Variants in COL10A1 observed in about 807,000 individuals in gnomAD.
The protein encoded by COL10A1 is collagen type X alpha 1 chain, also known as collagen alpha-1(X) chain.
In COL10A1, 10 loss-of-function variants were observed where a neutral mutation model predicts 18.2. That is an observed-to-expected ratio of 0.55 (90% CI 0.34 to 0.93). COL10A1 has a LOEUF of 0.93. COL10A1 is among the 40% of genes least tolerant of loss of function. The pLI is 0.02. For missense variants in COL10A1, 897 were observed against 853.5 expected, an observed-to-expected ratio of 1.05 and a Z score of -0.64; for synonymous variants, 330 against 316.6, an observed-to-expected ratio of 1.04 and a Z score of -0.45.
chr6:116,139,259 A>C (rs1779703973), intron 1 of COL10A1, among the ~76,000 whole-genome samples: 1 of 152,174 alleles, frequency 6.6e-6, no homozygotes, highest in South Asian at 2.1e-4. Flanking sequence ...TCAGTCTACT[A>C]GTAACAATTT....
At chr6:116,190,844 T>C in the COL10A1 span, among the ~76,000 whole-genome samples, 1 of 151,970 alleles carries the variant, frequency 6.6e-6, no homozygotes, top group Admixed American at 6.6e-5. Flanking sequence ...CAGAGACAGG[T>C]TCTCAGTTTC....
At chr6:116,134,931 G>A (rs995950125) in intron 1 of COL10A1, among the ~76,000 whole-genome samples, 5 of 152,160 alleles carry the variant, frequency 3.3e-5, no homozygotes, top group African/African-American at 1.2e-4. Context: ...AATCTTGGGA[G>A]TTTAGAGAGA....
chr6:116,157,800 A>G (rs1391028459), intron 1 of COL10A1, among the ~76,000 whole-genome samples: 2 of 152,216 alleles, frequency 1.3e-5, no homozygotes, highest in African/African-American at 4.8e-5. Flanking sequence ...AAAACTGATA[A>G]TAAGACCACC....
At chr6:116,190,633 C>T in the COL10A1 span, among the ~76,000 whole-genome samples, 27 of 152,102 alleles carry the variant, frequency 1.8e-4, no homozygotes, top group African/African-American at 6.0e-4. Context: ...TCTACTTTTA[C>T]ACAACTCTGC....
At chr6:116,210,195 G>A in the COL10A1 span, among the ~76,000 whole-genome samples, 1 of 152,014 alleles carries the variant, frequency 6.6e-6, no homozygotes, top group African/African-American at 2.4e-5. Context: ...TGGCTTTTGA[G>A]TTCAGTGCCA....
chr6:116,123,796 T>G (rs945055679), intron 2 of COL10A1, among the ~76,000 whole-genome samples: 2 of 152,208 alleles, frequency 1.3e-5, no homozygotes, highest in African/African-American at 2.4e-5. Context: ...GTTAAGATAT[T>G]TTCATTTGTT....
chr6:116,191,046 G>T, the COL10A1 span, among the ~76,000 whole-genome samples: 1 of 151,934 alleles, frequency 6.6e-6, no homozygotes, highest in Non-Finnish European at 1.5e-5. Flanking sequence ...GTTGCACAGT[G>T]AGTTGTTGTT....
upstream of COL10A1, among the ~76,000 whole-genome samples, chr6:116,162,833 T>A (rs1382483572): frequency 6.6e-6 from 1 of 152,008 alleles, no homozygotes; most frequent in Non-Finnish European, 1.5e-5. Context: ...TTAAAAAATA[T>A]GTATTTTTAG....
At chr6:116,161,790 T>C (rs1780338539), upstream of COL10A1, among the ~76,000 whole-genome samples, 1 of 151,848 alleles carries the variant, frequency 6.6e-6, no homozygotes, top group Non-Finnish European at 1.5e-5. Flanking sequence ...TGATGGGAAG[T>C]TGCATTGACT....
At chr6:116,188,598 T>A in the COL10A1 span, among the ~76,000 whole-genome samples, 7 of 151,974 alleles carry the variant, frequency 4.6e-5, no homozygotes, top group African/African-American at 1.4e-4. Flanking sequence ...CACTAGAGCA[T>A]AATTAGGTAG....
chr6:116,180,398 T>C, the COL10A1 span, among the ~76,000 whole-genome samples: 7 of 152,074 alleles, frequency 4.6e-5, no homozygotes, highest in Non-Finnish European at 7.4e-5. Context: ...GAAAATGGAA[T>C]GATAGAATTG....
the COL10A1 span, among the ~76,000 whole-genome samples, chr6:116,166,399 CAT>C: frequency 6.6e-6 from 1 of 152,164 alleles, no homozygotes; most frequent in Non-Finnish European, 1.5e-5. Context: ...TAATTAAAAA[CAT>C]AAAGGAATGG....
At chr6:116,176,057 A>T in the COL10A1 span, among the ~76,000 whole-genome samples, 6 of 152,194 alleles carry the variant, frequency 3.9e-5, no homozygotes, top group Non-Finnish European at 8.8e-5. Flanking sequence ...TTACACCTCA[A>T]AATGGACTTG....
intron 1 of COL10A1, chr6:116,125,802 A>C: frequency 4.1e-6 from 1 of 246,736 alleles, no homozygotes. Flanking sequence ...GATCTTTGAC[A>C]TAGCCTGAAA....
In COL10A1 at chr6:116,120,988, C is replaced by T; in HGVS notation, c.1128G>A (p.Lys376=). 6.2e-7 allele frequency: 1 copy of T among 1,613,894 alleles called. No homozygotes were observed. The highest frequency in any genetic ancestry group is 2.2e-5 in the East Asian group (1 of 44,862). Residue 376 remains lysine (K), a synonymous_variant, in exon 3 of 3, where the codon AAG becomes AAA. Transcript: ENST00000651968. ...PAGPAGYPGA[K]GERGSPGSDG... is the part of the protein sequence containing the mutation. ...CTGACCCAGGGGAACCCCTTTCACC[C>T]TTAGCCCCAGGGTATCCTGCAGGCC... is the stretch of plus-strand genomic sequence containing the variant.
the COL10A1 span, among the ~76,000 whole-genome samples, chr6:116,179,463 A>G: frequency 6.6e-6 from 1 of 152,138 alleles, no homozygotes; most frequent in Non-Finnish European, 1.5e-5. Flanking sequence ...ATCCTATCAA[A>G]AAGTAGGCTA....
At chr6:116,196,796 G>A in the COL10A1 span, among the ~76,000 whole-genome samples, 1 of 151,812 alleles carries the variant, frequency 6.6e-6, no homozygotes, top group Non-Finnish European at 1.5e-5. Context: ...TACTTGTGCA[G>A]CCTTGTGTAT....
the COL10A1 span, among the ~76,000 whole-genome samples, chr6:116,201,356 C>T: frequency 6.6e-6 from 1 of 151,974 alleles, no homozygotes; most frequent in South Asian, 2.1e-4. Flanking sequence ...GGGCATATTG[C>T]ACTGTATAAA....
At chr6:116,216,935 T>C in the COL10A1 span, among the ~76,000 whole-genome samples, 1 of 152,146 alleles carries the variant, frequency 6.6e-6, no homozygotes, top group African/African-American at 2.4e-5. Context: ...TATTTAAATC[T>C]CTTCTAAATT....
Sources: gnomAD v4.1 joint callset for allele counts (sites outside exome capture counted in the v4.1 genomes callset) on GRCh38, gnomAD v4.1.1 for gene constraint, MANE v1.5 for transcripts, NCBI Gene and HGNC (gene_info 2026-07-23, HGNC 2026-07-21) for gene names.